The following MANBAL variants were observed in gnomAD, a reference collection of about 807,000 sequenced individuals.
MANBAL encodes the protein mannosidase beta like, also known as protein MANBAL.
Under a neutral mutation model 6.4 loss-of-function variants are expected in MANBAL, and 1 was observed. The observed-to-expected ratio is 0.16, with a 90% confidence interval of 0.06 to 0.74. MANBAL has a LOEUF of 0.74. Ranked by LOEUF, MANBAL falls within the 30% of genes least tolerant of loss-of-function variation. The pLI is 0.78. For missense variants in MANBAL, 100 were observed against 107.8 expected, an observed-to-expected ratio of 0.93 and a Z score of 0.32; for synonymous variants, 47 against 45.8, an observed-to-expected ratio of 1.03 and a Z score of -0.10.
chr20:37,299,882 C>T (rs1158306184), intron 1 of MANBAL, among the ~76,000 whole-genome samples: 1 of 152,180 alleles, frequency 6.6e-6, no homozygotes, highest in Non-Finnish European at 1.5e-5. Flanking sequence ...TCTTGGAGAA[C>T]CACAGCAGTT....
chr20:37,310,211 G>A (rs6032725), intron 2 of MANBAL, among the ~76,000 whole-genome samples: 29,203 of 152,190 alleles, frequency 0.19, 3,077 homozygotes, highest in Middle Eastern at 0.25. Flanking sequence ...GCCTTGTTGA[G>A]TCCACATGGA....
intron 2 of MANBAL, 100 bp downstream of exon 2, chr20:37,301,513 T>C (rs2069135760): frequency 3.9e-6 from 5 of 1,294,540 alleles, no homozygotes; most frequent in Non-Finnish European, 3.1e-6. Context: ...AGGGTCTACA[T>C]TGGGCCTTTT....
intron 2 of MANBAL, among the ~76,000 whole-genome samples, chr20:37,314,993 C>A (rs73903454): frequency 6.6e-6 from 1 of 152,158 alleles, no homozygotes; most frequent in African/African-American, 2.4e-5. Context: ...AAGTGTCCCC[C>A]CTCCCAGGAG....
intron 1 of MANBAL, chr20:37,298,740 A>G (rs1043390121): frequency 1.1e-4 from 16 of 149,930 alleles, no homozygotes; most frequent in African/African-American, 3.9e-4. Context: ...CTTTCAATTC[A>G]ATTTTTTTTT....
intron 2 of MANBAL, among the ~76,000 whole-genome samples, chr20:37,314,211 G>A (rs1431184179): frequency 6.6e-6 from 1 of 152,184 alleles, no homozygotes; most frequent in African/African-American, 2.4e-5. Context: ...GGACAGTGGG[G>A]AGCAGAGAGA....
intron 1 of MANBAL, among the ~76,000 whole-genome samples, chr20:37,290,979 T>G (rs1240644494): frequency 6.6e-6 from 1 of 152,200 alleles, no homozygotes; most frequent in East Asian, 1.9e-4. Flanking sequence ...ACAATAGAAT[T>G]TAAAGTTACT....
At chr20:37,296,935 T>A (rs930540361) in intron 1 of MANBAL, 3 of 152,184 alleles carry the variant, frequency 2.0e-5, no homozygotes, top group Non-Finnish European at 4.4e-5. Context: ...ATCTTTCTAT[T>A]GTACCACTCC....
chr20:37,310,238 C>G (rs2069352930), intron 2 of MANBAL, among the ~76,000 whole-genome samples: 1 of 152,254 alleles, frequency 6.6e-6, no homozygotes, highest in South Asian at 2.1e-4. Context: ...TCCTTGCTCT[C>G]TGTTTCAGCC....
chr20:37,312,688 G>A (rs2069414999), intron 2 of MANBAL, among the ~76,000 whole-genome samples: 1 of 152,168 alleles, frequency 6.6e-6, no homozygotes, highest in Admixed American at 6.5e-5. Context: ...AGGCTGGAGT[G>A]TAGTAGCTAT....
chr20:37,302,140 TC>T, intron 2 of MANBAL: 6 of 1,226,056 alleles, frequency 4.9e-6, no homozygotes, highest in Non-Finnish European at 7.0e-6. Context: ...TCTTGCCCAC[TC>T]CCATTTGCTC....
intron 1 of MANBAL, among the ~76,000 whole-genome samples, chr20:37,292,702 G>A (rs1359956933): frequency 2.6e-5 from 4 of 152,136 alleles, no homozygotes; most frequent in Non-Finnish European, 5.9e-5. Flanking sequence ...TTGGCCATTG[G>A]GAGCTCTTCC....
chr20:37,312,717 C>T (rs957188515), intron 2 of MANBAL, among the ~76,000 whole-genome samples: 6 of 152,206 alleles, frequency 3.9e-5, no homozygotes, highest in African/African-American at 1.2e-4. Flanking sequence ...ACAGTCATAG[C>T]GCACTACAGC....
At chr20:37,293,126 G>A (rs565261274) in intron 1 of MANBAL, among the ~76,000 whole-genome samples, 2 of 152,238 alleles carry the variant, frequency 1.3e-5, no homozygotes, top group Admixed American at 6.5e-5. Flanking sequence ...TTTCATGGAA[G>A]ACAATTTTTC....
intron 2 of MANBAL, among the ~76,000 whole-genome samples, chr20:37,305,652 C>T (rs1052580804): frequency 9.3e-5 from 14 of 150,064 alleles, no homozygotes; most frequent in Admixed American, 9.3e-4. Flanking sequence ...AGTAAATTGT[C>T]TTCATAACTG....
chr20:37,303,830 C>T (rs2069196614), intron 2 of MANBAL, among the ~76,000 whole-genome samples: 1 of 152,168 alleles, frequency 6.6e-6, no homozygotes, highest in Admixed American at 6.5e-5. Flanking sequence ...TACAGAAGCA[C>T]CCTTGGCCTA....
chr20:37,300,286 A>G (rs991836323), intron 1 of MANBAL, among the ~76,000 whole-genome samples: 1 of 151,642 alleles, frequency 6.6e-6, no homozygotes, highest in Non-Finnish European at 1.5e-5. Flanking sequence ...GGGCCTCCAC[A>G]CTTGCTTTTT....
At chr20:37,309,515 A>T (rs2069333453) in intron 2 of MANBAL, among the ~76,000 whole-genome samples, 1 of 152,210 alleles carries the variant, frequency 6.6e-6, no homozygotes, top group Non-Finnish European at 1.5e-5. Context: ...GGTGGCCAGC[A>T]TTGCGATCTA....
At position 37,289,688 on chromosome 20, in the gene MANBAL, T is replaced by G. The variant is rs1244685911; in HGVS notation, c.-57+2T>G. ...GGGAGCGGCGCGGCGGCGCGGGAGG[T>G]GAGTGCCGCAGCTTTGCGGTGGGGT... On this transcript the variant is annotated splice_donor_variant, in intron 1 of 2. Transcript: ENST00000373606. LOFTEE classifies it low-confidence loss of function (5UTR_SPLICE). The G allele has an allele frequency of 6.6e-6, 1 of 151,656 alleles. No homozygotes were observed. The highest frequency in any genetic ancestry group is 1.9e-4 in the East Asian group (1 of 5,158). The allele number at this position is 151,656 out of a possible 1,614,324, so 9.4% of individuals were successfully genotyped here.
At chr20:37,292,557 C>G (rs569670835) in intron 1 of MANBAL, among the ~76,000 whole-genome samples, 122 of 152,304 alleles carry the variant, frequency 8.0e-4, no homozygotes, top group Admixed American at 1.4e-3. Flanking sequence ...GCCTTGGCCT[C>G]CTGATTACAG....
Sources: allele counts gnomAD v4.1 joint callset (sites outside exome capture counted in the v4.1 genomes callset), GRCh38; gene constraint gnomAD v4.1.1; transcripts MANE v1.5; gene names NCBI Gene and HGNC (gene_info 2026-07-23, HGNC 2026-07-21).